Variants in FOXN1 observed in about 807,000 individuals in gnomAD.
FOXN1 encodes forkhead box protein N1.
Under a neutral mutation model 49.0 loss-of-function variants are expected in FOXN1, and 15 were observed. That is an observed-to-expected ratio of 0.31 (90% CI 0.20 to 0.47). The LOEUF is 0.47. Among genes scored for constraint, FOXN1 ranks in the 20% least tolerant of loss-of-function variants. FOXN1 has a pLI of 1.00. For synonymous variants in FOXN1, 356 were observed against 369.0 expected, an observed-to-expected ratio of 0.96 and a Z score of 0.40; for missense variants, 800 against 842.8, an observed-to-expected ratio of 0.95 and a Z score of 0.63.
Position 28,517,129 on chromosome 17 carries a change from A to G in FOXN1, c.-14-6827A>G, listed in dbSNP as rs187300890. On this transcript the variant is annotated intron_variant, in intron 1 of 8. Transcript: ENST00000579795. The stretch of plus-strand genomic sequence containing the variant: ...CACAGGATCCATACCTCAAAAGGGT[A>G]CACATCTCCACAGGGTACACACCTC... Among the ~76,000 whole-genome samples the G allele has an allele frequency of 2.2e-4, 26 of 118,322 alleles. 1 individual carries two copies. The highest frequency in any genetic ancestry group is 6.4e-4 in the African/African-American group (20 of 31,306). 77.6% of individuals were successfully genotyped at this position (118,322 alleles called of 152,430 possible).
chr17:28,508,811 C>T (rs574178346), intron 1 of FOXN1, among the ~76,000 whole-genome samples: 2 of 152,162 alleles, frequency 1.3e-5, no homozygotes, highest in Non-Finnish European at 2.9e-5. Context: ...GGACCGAGGT[C>T]CTGCAGGTAT....
chr17:28,523,793 TC>T (rs1597549383), intron 1 of FOXN1, 162 bp from the exon 2 acceptor site: 11 of 9,182 alleles, frequency 1.2e-3, no homozygotes, highest in Non-Finnish European at 3.9e-3. Flanking sequence ...GCTCTCTGGT[TC>T]TCTCTCTCTC....
intron 1 of FOXN1, among the ~76,000 whole-genome samples, chr17:28,507,677 C>T (rs1233495830): frequency 5.3e-5 from 8 of 152,328 alleles, no homozygotes; most frequent in African/African-American, 1.7e-4. Context: ...TTCTTCCTCC[C>T]GCACTGAGGA....
In FOXN1 at chr17:28,534,364, CA is replaced by C. The variant is rs1341352743; in HGVS notation, c.962del (p.His321ProfsTer229). ...CGATGGCTGGAAGAATTCTGTCCGG[CA>C]CAACCTATCCCTCAACAAGTGCTTC... The part of the protein sequence containing the change: ...APDGWKNSVR[H>X]NLSLNKCFEK... On this transcript the variant is annotated frameshift_variant, in exon 7 of 9. Transcript: ENST00000579795. LOFTEE classifies it high-confidence loss of function. The surrounding 1 kb of genome is among the most constrained non-coding windows in gnomAD (Gnocchi z 4.1). The C allele has an allele frequency of 6.2e-7, 1 of 1,614,050 alleles. No individual in the cohort carries two copies. The highest frequency in any genetic ancestry group is 1.3e-5 in the African/African-American group (1 of 74,918).
rs767082524 is a variant in FOXN1 at position 28,537,825 on chromosome 17, C to T, written c.*389C>T. 4.0e-5 allele frequency: 13 copies of T among 328,888 alleles called. No homozygotes were observed. The highest frequency in any genetic ancestry group is 1.2e-4 in the Admixed American group (3 of 24,058). 20.4% of individuals were successfully genotyped at this position (328,888 alleles called of 1,614,324 possible). ...CACTCCATCACTGAGAGCCCGACTT[C>T]GTTTCTGGGGCAACTGAGAGCTGAG... On this transcript the variant is annotated 3_prime_UTR_variant, in exon 9 of 9. Coordinates refer to ENST00000579795, the MANE Select transcript of FOXN1 (RefSeq NM_001369369.1).
chr17:28,516,086 ACAGGGTACACAT>A (rs1414073549), intron 1 of FOXN1, among the ~76,000 whole-genome samples: 1 of 150,428 alleles, frequency 6.6e-6, no homozygotes, highest in African/African-American at 2.5e-5. Context: ...CCATACCTCC[ACAGGGTACACAT>A]CTCCACAGGG....
chr17:28,524,109 T>C lies in FOXN1; in HGVS notation c.123+17T>C. 1 of 1,576,640 alleles carries C rather than the reference T, an allele frequency of 6.3e-7. No individual in the cohort carries two copies. Among genetic ancestry groups the C allele is most frequent in the Middle Eastern group, 2.2e-4 (1 of 4,456 alleles). ...CCACAGAGTGTAAGTACCCGGCATC[T>C]GGGCCTGGGTTTAGGCCAAGGCCTG... On this transcript the variant is annotated intron_variant, in intron 2 of 8. Coordinates refer to ENST00000579795, the MANE Select transcript of FOXN1 (RefSeq NM_001369369.1).
Position 28,534,856 on chromosome 17 carries a change from G to C in FOXN1, c.1285G>C (p.Ala429Pro). The change falls in exon 8 of 9, where the codon GCT becomes CCT. Residue 429 changes from alanine to proline, a missense_variant. Physicochemically the swap from Ala to Pro is conservative, Grantham distance 27. This residue lies in a region of FOXN1 where 344 missense variants were observed against 366.1 expected (regional missense o/e 0.94). Coordinates refer to ENST00000579795, the MANE Select transcript of FOXN1 (RefSeq NM_001369369.1). This position sits in a 1 kb window ranked among gnomAD's most constrained non-coding sequence, Gnocchi z 4.1. ...LSPPLHSLHP[A>P]PGPIPGKNPL... ...CCCACCACTGCACTCACTCCACCCA[G>C]CTCCAGGCCCCATTCCTGGCAAGAA... 6.2e-7 allele frequency: 1 copy of C among 1,613,942 alleles called. No homozygotes were observed. The highest frequency in any genetic ancestry group is 8.5e-7 in the Non-Finnish European group (1 of 1,179,866).
intron 8 of FOXN1, 37 bp downstream of exon 8, chr17:28,535,235 C>G (rs746063530): frequency 2.5e-6 from 4 of 1,606,060 alleles, no homozygotes; most frequent in Admixed American, 3.3e-5. Context: ...TGGGACAGGA[C>G]TGGAGAGGAG....
intron 5 of FOXN1, 122 bp from the exon 6 acceptor site, chr17:28,530,627 C>T: frequency 1.4e-6 from 1 of 719,440 alleles, no homozygotes; most frequent in Non-Finnish European, 2.6e-6. Context: ...CAATGGACAC[C>T]TTCTCATTCC....
chr17:28,521,521 G>A (rs999808555), intron 1 of FOXN1, among the ~76,000 whole-genome samples: 18 of 152,224 alleles, frequency 1.2e-4, no homozygotes, highest in African/African-American at 4.3e-4. Context: ...GGGCTGCCCC[G>A]CACCTCGGGC....
intron 8 of FOXN1, among the ~76,000 whole-genome samples, chr17:28,536,126 A>G (rs1239687185): frequency 6.6e-6 from 1 of 152,144 alleles, no homozygotes; most frequent in Non-Finnish European, 1.5e-5. Flanking sequence ...CTGTGTGCAC[A>G]GGGGTGGGGG....
intron 1 of FOXN1, among the ~76,000 whole-genome samples, chr17:28,507,718 T>C (rs2069294360): frequency 6.6e-6 from 1 of 152,202 alleles, no homozygotes; most frequent in Non-Finnish European, 1.5e-5. Context: ...AGGGCGGCGT[T>C]GCACTGCAGT....
intron 6 of FOXN1, among the ~76,000 whole-genome samples, chr17:28,531,194 C>G (rs2069904477): frequency 6.6e-6 from 1 of 152,200 alleles, no homozygotes; most frequent in Non-Finnish European, 1.5e-5. Context: ...GACACTATTG[C>G]TACCCCGACC....
At chr17:28,521,638 G>A (rs947442918) in intron 1 of FOXN1, among the ~76,000 whole-genome samples, 1 of 152,254 alleles carries the variant, frequency 6.6e-6, no homozygotes, top group Admixed American at 6.5e-5. Context: ...ATCAAGAAGG[G>A]GTGGTGGGGA....
In FOXN1 at chr17:28,537,397, G is replaced by C. The variant is rs2070098524; in HGVS notation, c.1908G>C (p.Val636=). ...TPPTAPAGPS[V]YLSPSSKPVA... is the part of the protein sequence containing the mutation. ...CCACGGCCCCTGCAGGCCCCTCTGT[G>C]TACCTCAGCCCCAGCTCCAAGCCCG... Residue 636 remains valine, a synonymous_variant, in exon 9 of 9, where the codon GTG becomes GTC. Coordinates refer to ENST00000579795, the MANE Select transcript of FOXN1 (RefSeq NM_001369369.1). The C allele has an allele frequency of 1.2e-6, 2 of 1,613,096 alleles. No homozygotes were observed. The highest frequency in any genetic ancestry group is 1.3e-5 in the African/African-American group (1 of 74,904).
In FOXN1 at chr17:28,535,033, C is replaced by G; in HGVS notation, c.1462C>G (p.Pro488Ala). 1 of 1,613,296 alleles carries G rather than the reference C, an allele frequency of 6.2e-7. No individual in the cohort carries two copies. The highest frequency in any genetic ancestry group is 8.5e-7 in the Non-Finnish European group (1 of 1,179,580). ...TGAGCTGCGGGCCCAGCCAGGCACC[C>G]CCCAGGACTCGCCTCTGCCTGCCCA... ...HLELRAQPGT[P>A]QDSPLPAHTP... Residue 488 changes from proline to alanine, a missense_variant, in exon 8 of 9, where the codon CCC becomes GCC. Coordinates refer to ENST00000579795, the MANE Select transcript of FOXN1 (RefSeq NM_001369369.1).
At chr17:28,531,383 C>T (rs1031631612) in intron 6 of FOXN1, among the ~76,000 whole-genome samples, 5 of 152,088 alleles carry the variant, frequency 3.3e-5, no homozygotes, top group African/African-American at 1.2e-4. Flanking sequence ...CCCAGGCTGG[C>T]TCACCTGACT....
At chr17:28,525,415 C>G (rs958446224) in intron 3 of FOXN1, among the ~76,000 whole-genome samples, 1 of 152,118 alleles carries the variant, frequency 6.6e-6, no homozygotes, top group Non-Finnish European at 1.5e-5. Flanking sequence ...GTGGAGGGAC[C>G]CTTCCTGGCC....
Sources: allele counts gnomAD v4.1 joint callset (sites outside exome capture counted in the v4.1 genomes callset), GRCh38; gene constraint gnomAD v4.1.1; regional missense constraint gnomAD v4.1.1; non-coding constraint Gnocchi (gnomAD v3.1); transcripts MANE v1.5; gene names NCBI Gene and HGNC (gene_info 2026-07-23, HGNC 2026-07-21).